The following LHFPL3 variants were observed in gnomAD, a reference collection of about 807,000 sequenced individuals.
The protein encoded by LHFPL3 is LHFPL tetraspan subfamily member 3 protein.
LHFPL3 carries 5 observed loss-of-function variants against 19.3 expected under a neutral mutation model. That is an observed-to-expected ratio of 0.26 (90% confidence interval 0.14 to 0.54). The LOEUF (loss-of-function observed/expected upper bound fraction) is 0.54, where lower values mean the gene tolerates loss of function less well. Ranked by LOEUF, LHFPL3 falls within the 20% of genes least tolerant of loss-of-function variation. The pLI is 0.94. For synonymous variants in LHFPL3, 133 were observed against 126.2 expected, an observed-to-expected ratio of 1.05 and a Z score of -0.36; for missense variants, 249 against 307.4, an observed-to-expected ratio of 0.81 and a Z score of 1.42.
At chr7:104,448,196 T>C (rs1224351836) in intron 1 of LHFPL3, among the ~76,000 whole-genome samples, 1 of 152,174 alleles carries the variant, frequency 6.6e-6, no homozygotes, top group African/African-American at 2.4e-5. Flanking sequence ...TGGTAAACAT[T>C]TTTGTCTTCA....
In LHFPL3 at chr7:104,396,357, A is replaced by G. The variant is rs147915927; in HGVS notation, c.445+67133A>G. 1.2e-4 allele frequency among the ~76,000 whole-genome samples: 19 copies of G among 152,286 alleles called. No homozygotes were observed. The East Asian group carries it at 3.7e-3, about 29-fold the overall frequency. ...CAAAAAAGGACACAAAATAGCAATGACACAAGAGACATGAAAGCCCAGAGA... is the reference window on the plus strand; with the variant it reads ...CAAAAAAGGACACAAAATAGCAATGGCACAAGAGACATGAAAGCCCAGAGA... On this transcript the variant is annotated intron_variant, in intron 1 of 2. Coordinates refer to ENST00000424859, the MANE Select transcript of LHFPL3 (RefSeq NM_199000.3).
At chr7:104,480,826 A>G (rs992929261) in intron 1 of LHFPL3, among the ~76,000 whole-genome samples, 1 of 152,224 alleles carries the variant, frequency 6.6e-6, no homozygotes, top group African/African-American at 2.4e-5. Flanking sequence ...AAGAATTTAT[A>G]TCAGTAGGTA....
intron 1 of LHFPL3, among the ~76,000 whole-genome samples, chr7:104,539,656 T>TA: frequency 6.6e-6 from 1 of 152,264 alleles, no homozygotes; most frequent in South Asian, 2.1e-4. Flanking sequence ...TGCTGGTCCA[T>TA]AATGAAATCC....
At chr7:104,375,279 A>G (rs919124545) in intron 1 of LHFPL3, among the ~76,000 whole-genome samples, 1 of 152,192 alleles carries the variant, frequency 6.6e-6, no homozygotes, top group Non-Finnish European at 1.5e-5. Context: ...CAGAGGTTGC[A>G]GTGAGCTGAG....
chr7:104,821,451 G>T (rs934567395), intron 2 of LHFPL3, among the ~76,000 whole-genome samples: 1 of 152,222 alleles, frequency 6.6e-6, no homozygotes, highest in Non-Finnish European at 1.5e-5. Flanking sequence ...GGCTGAGGTA[G>T]GAAGTATTCT....
chr7:104,762,412 G>A (rs528042584), intron 2 of LHFPL3, among the ~76,000 whole-genome samples: 72 of 152,282 alleles, frequency 4.7e-4, no homozygotes, highest in Non-Finnish European at 8.5e-4. Context: ...AGCTGTGCAG[G>A]CAGGCAGATG....
At chr7:104,444,255 C>G (rs1183183281) in intron 1 of LHFPL3, among the ~76,000 whole-genome samples, 4 of 152,192 alleles carry the variant, frequency 2.6e-5, no homozygotes, top group African/African-American at 9.6e-5. Context: ...CATGTTGGCT[C>G]TGGCCAGGTG....
intron 1 of LHFPL3, among the ~76,000 whole-genome samples, chr7:104,381,668 A>G (rs914779287): frequency 3.3e-5 from 5 of 152,156 alleles, no homozygotes; most frequent in Admixed American, 1.3e-4. Context: ...TCCTGCTTTC[A>G]TAGGACTTAA....
chr7:104,518,573 C>G (rs1793968848), intron 1 of LHFPL3, among the ~76,000 whole-genome samples: 2 of 152,114 alleles, frequency 1.3e-5, no homozygotes, highest in Admixed American at 1.3e-4. Context: ...CACCTGAGGT[C>G]AGGAGTTAGA....
At chr7:104,392,476 G>A (rs1484032363) in intron 1 of LHFPL3, among the ~76,000 whole-genome samples, 56 of 151,866 alleles carry the variant, frequency 3.7e-4, no homozygotes, top group African/African-American at 1.3e-3. Flanking sequence ...CTGTTTATAT[G>A]CTGGATTACA....
intron 2 of LHFPL3, among the ~76,000 whole-genome samples, chr7:104,861,926 C>T (rs905074815): frequency 6.6e-6 from 1 of 152,110 alleles, no homozygotes; most frequent in African/African-American, 2.4e-5. Context: ...GGCAGGAATC[C>T]ACAGGCTTTG....
In LHFPL3 at chr7:104,672,505, A is replaced by C. The variant is rs559867021; in HGVS notation, c.446-64170A>C. Among the ~76,000 whole-genome samples, 134 of 152,324 alleles carry C rather than the reference A, an allele frequency of 8.8e-4. 2 individuals carry two copies. Among genetic ancestry groups the C allele is most frequent in the Middle Eastern group, 3.4e-3 (1 of 294 alleles). On this transcript the variant is annotated intron_variant, in intron 1 of 2. Coordinates refer to ENST00000424859, the MANE Select transcript of LHFPL3 (RefSeq NM_199000.3). ...ATTATATGAAACCAAGCATGAGATA[A>C]ATGAATAATCTCAGCGGCTAAAAAG...
intron 2 of LHFPL3, among the ~76,000 whole-genome samples, chr7:104,807,719 T>C (rs986071369): frequency 2.0e-5 from 3 of 152,194 alleles, no homozygotes; most frequent in Non-Finnish European, 4.4e-5. Context: ...AGAGAATGAA[T>C]TAACTGAGTC....
At chr7:104,869,585 GA>G in intron 2 of LHFPL3, among the ~76,000 whole-genome samples, 1 of 152,056 alleles carries the variant, frequency 6.6e-6, no homozygotes, top group Non-Finnish European at 1.5e-5. Flanking sequence ...AAAAAGTCAG[GA>G]AACAACAGGT....
At chr7:104,772,551 C>G (rs1448178641) in intron 2 of LHFPL3, among the ~76,000 whole-genome samples, 1 of 152,206 alleles carries the variant, frequency 6.6e-6, no homozygotes, top group Non-Finnish European at 1.5e-5. Context: ...TATTCTGATG[C>G]CACCCCAGCT....
chr7:104,882,721 T>C (rs573318840), intron 2 of LHFPL3, among the ~76,000 whole-genome samples: 7 of 152,218 alleles, frequency 4.6e-5, no homozygotes, highest in Non-Finnish European at 1.0e-4. Context: ...GTGATAGTTG[T>C]ACAACTCTAT....
At chr7:104,807,843 A>T (rs1045308200) in intron 2 of LHFPL3, among the ~76,000 whole-genome samples, 1 of 152,218 alleles carries the variant, frequency 6.6e-6, no homozygotes, top group African/African-American at 2.4e-5. Context: ...CACACTCATG[A>T]TTGAAGCTTC....
intron 1 of LHFPL3, among the ~76,000 whole-genome samples, chr7:104,535,247 G>A (rs1488820258): frequency 6.6e-6 from 1 of 152,202 alleles, no homozygotes; most frequent in Admixed American, 6.5e-5. Flanking sequence ...GAAAAGGATT[G>A]CTCACATTAT....
At chr7:104,781,813 G>C (rs1794721290) in intron 2 of LHFPL3, among the ~76,000 whole-genome samples, 1 of 152,100 alleles carries the variant, frequency 6.6e-6, no homozygotes, top group Non-Finnish European at 1.5e-5. Flanking sequence ...CCTACTTGAA[G>C]TACTCCTTTC....
Sources: gnomAD v4.1 joint callset for allele counts (sites outside exome capture counted in the v4.1 genomes callset) on GRCh38, gnomAD v4.1.1 for gene constraint, MANE v1.5 for transcripts, NCBI Gene and HGNC (gene_info 2026-07-23, HGNC 2026-07-21) for gene names.